ARHGAP24: variants seen among roughly 807,000 people sequenced by gnomAD.
ARHGAP24 encodes the protein rho GTPase-activating protein 24.
ARHGAP24 carries 50 observed loss-of-function variants against 76.4 expected under a neutral mutation model. The ratio of observed to expected loss-of-function variants is 0.65; its 90% CI spans 0.52 to 0.83. ARHGAP24 has a LOEUF of 0.83. Among genes scored for constraint, ARHGAP24 ranks in the 40% least tolerant of loss-of-function variants. The pLI, the probability that ARHGAP24 is intolerant of heterozygous loss-of-function variation, is 0.00. For synonymous variants in ARHGAP24, 345 were observed against 323.3 expected (o/e 1.07, Z -0.72); for missense variants, 930 against 914.2 (o/e 1.02, Z -0.22).
intron 1 of ARHGAP24, among the ~76,000 whole-genome samples, chr4:85,491,955 T>C (rs1210970570): frequency 6.6e-6 from 1 of 152,236 alleles, no homozygotes; most frequent in Non-Finnish European, 1.5e-5. Context: ...CTCTTTGAAG[T>C]TAAATGTCTT....
chr4:85,495,659 A>T (rs189734390), intron 1 of ARHGAP24, among the ~76,000 whole-genome samples: 92 of 151,982 alleles, frequency 6.1e-4, no homozygotes, highest in African/African-American at 2.2e-3. Flanking sequence ...GCCCAGAAAA[A>T]TTTTACTATT....
intron 1 of ARHGAP24, among the ~76,000 whole-genome samples, chr4:85,482,223 A>G (rs1250568733): frequency 6.6e-6 from 1 of 152,176 alleles, no homozygotes; most frequent in Admixed American, 6.5e-5. Flanking sequence ...ACTTCCCATT[A>G]TGGTTTGTCA....
Position 85,730,800 on chromosome 4 carries a change from G to A in ARHGAP24, c.268+8828G>A, listed in dbSNP as rs573366287. Among the ~76,000 whole-genome samples, 4 of 152,184 alleles carry A rather than the reference G, an allele frequency of 2.6e-5. 1 individual carries two copies. In the South Asian group the frequency reaches 6.2e-4, roughly 24 times the overall value. ...AAACAAACAAGCTTATCTTCTTAGA[G>A]GGGTAGTTTGTTTCCCTTACCACCC... On this transcript the variant is annotated intron_variant, in intron 3 of 9. Transcript: ENST00000395184.
At chr4:85,942,377 T>TG in intron 5 of ARHGAP24, 104 bp downstream of exon 5, 1 of 1,316,700 alleles carries the variant, frequency 7.6e-7, no homozygotes, top group Non-Finnish European at 1.1e-6. Flanking sequence ...GTGGTAACAG[T>TG]TTACAACATA....
intron 1 of ARHGAP24, among the ~76,000 whole-genome samples, chr4:85,504,514 C>A (rs1723957159): frequency 6.6e-6 from 1 of 152,088 alleles, no homozygotes; most frequent in African/African-American, 2.4e-5. Flanking sequence ...GGTTTAAAGT[C>A]TGTTTTATCA....
intron 3 of ARHGAP24, among the ~76,000 whole-genome samples, chr4:85,901,256 C>A (rs1179960206): frequency 2.6e-5 from 4 of 152,052 alleles, no homozygotes; most frequent in African/African-American, 9.7e-5. Flanking sequence ...GCAGACTAAT[C>A]AGAGACCTGC....
chr4:85,760,399 T>A (rs1309585471), intron 3 of ARHGAP24, among the ~76,000 whole-genome samples: 1 of 152,218 alleles, frequency 6.6e-6, no homozygotes, highest in Non-Finnish European at 1.5e-5. Flanking sequence ...TATTTGTAAA[T>A]GTTTCAACCA....
chr4:85,519,659 T>G (rs1724660109), intron 1 of ARHGAP24, among the ~76,000 whole-genome samples: 1 of 152,148 alleles, frequency 6.6e-6, no homozygotes, highest in African/African-American at 2.4e-5. Context: ...TGGAAGCCCT[T>G]ACAAAGCAGC....
chr4:85,894,308 A>C (rs193090627), intron 3 of ARHGAP24, among the ~76,000 whole-genome samples: 130 of 152,272 alleles, frequency 8.5e-4, no homozygotes, highest in Admixed American at 1.3e-3. Flanking sequence ...GATTCTTCAG[A>C]AAGAGTCTCA....
intron 3 of ARHGAP24, among the ~76,000 whole-genome samples, chr4:85,906,461 T>C (rs995265477): frequency 9.8e-5 from 15 of 152,338 alleles, no homozygotes; most frequent in Admixed American, 2.0e-4. Context: ...ATCTTAATTC[T>C]GACATTTTGC....
At chr4:85,799,960 T>A (rs1484846040) in intron 3 of ARHGAP24, among the ~76,000 whole-genome samples, 1 of 152,132 alleles carries the variant, frequency 6.6e-6, no homozygotes, top group Admixed American at 6.5e-5. Flanking sequence ...GTCAAAGTCA[T>A]AAATGGCAAA....
chr4:85,511,995 G>A (rs554523839), intron 1 of ARHGAP24, among the ~76,000 whole-genome samples: 2 of 152,314 alleles, frequency 1.3e-5, no homozygotes, highest in Admixed American at 1.3e-4. Context: ...TGCTTATGAG[G>A]ACATCAGTCA....
At position 85,555,595 on chromosome 4, in the gene ARHGAP24, T is replaced by C. The variant is rs915219714; in HGVS notation, c.-20-14927T>C. Among the ~76,000 whole-genome samples the C allele has an allele frequency of 1.4e-4, 21 of 152,212 alleles. 1 individual carries two copies. Among genetic ancestry groups the C allele is most frequent in the African/African-American group, 5.1e-4 (21 of 41,458 alleles). ...AATCCTCTCCCACTCAAGTCCTGGCTATAGCTCTTGGCTTGGCACTTCTTG... is the reference window on the plus strand; with the variant it reads ...AATCCTCTCCCACTCAAGTCCTGGCCATAGCTCTTGGCTTGGCACTTCTTG... On this transcript the variant is annotated intron_variant, in intron 1 of 9. Coordinates refer to ENST00000395184, the MANE Select transcript of ARHGAP24 (RefSeq NM_001025616.3).
At chr4:85,536,460 A>G (rs1348309050) in intron 1 of ARHGAP24, among the ~76,000 whole-genome samples, 2 of 152,098 alleles carry the variant, frequency 1.3e-5, no homozygotes, top group Non-Finnish European at 2.9e-5. Flanking sequence ...TACTGTCCTT[A>G]CCACTTATCT....
chr4:85,755,631 G>GTTTT lies in ARHGAP24; in HGVS notation c.268+33660_268+33663dup, dbSNP rs1329803538. ...TGGGAAGCTTCTATTCTTTTGTTTT[G>GTTTT]TTTTGTTTTGTTTTGTTTTGAGACG... On this transcript the variant is annotated intron_variant, in intron 3 of 9. Transcript: ENST00000395184. Among the ~76,000 whole-genome samples the GTTTT allele has an allele frequency of 8.3e-4, 96 of 115,816 alleles. 4 individuals carry two copies. The highest frequency in any genetic ancestry group is 5.3e-3 in the Middle Eastern group (1 of 190). 76.0% of individuals were successfully genotyped at this position (115,816 alleles called of 152,430 possible). A position where few individuals can be genotyped will look rare whatever the true frequency, so the allele number is the denominator to read the frequency against.
intron 3 of ARHGAP24, among the ~76,000 whole-genome samples, chr4:85,858,153 T>C (rs968666423): frequency 2.0e-5 from 3 of 152,182 alleles, no homozygotes; most frequent in African/African-American, 4.8e-5. Context: ...CATGTAACAT[T>C]CAATAAATGT....
intron 1 of ARHGAP24, among the ~76,000 whole-genome samples, chr4:85,479,479 G>C (rs528722663): frequency 6.6e-6 from 1 of 152,238 alleles, no homozygotes; most frequent in Non-Finnish European, 1.5e-5. Flanking sequence ...GTTAAATTTG[G>C]AGATCCTGCT....
intron 4 of ARHGAP24, among the ~76,000 whole-genome samples, chr4:85,929,141 A>G (rs1056865402): frequency 3.3e-5 from 5 of 152,128 alleles, no homozygotes; most frequent in South Asian, 4.1e-4. Context: ...GGATTTTTCT[A>G]TTGGCTGAAG....
At chr4:85,644,983 C>T (rs75719723) in intron 2 of ARHGAP24, among the ~76,000 whole-genome samples, 283 of 152,084 alleles carry the variant, frequency 1.9e-3, no homozygotes, top group African/African-American at 6.6e-3. Flanking sequence ...TGATGATAGT[C>T]GTGAACGTGC....
Sources: gnomAD v4.1 joint callset for allele counts (sites outside exome capture counted in the v4.1 genomes callset) on GRCh38, gnomAD v4.1.1 for gene constraint, MANE v1.5 for transcripts, NCBI Gene and HGNC (gene_info 2026-07-23, HGNC 2026-07-21) for gene names.